The following CDX4 variants were observed in gnomAD, a reference collection of about 807,000 sequenced individuals.
CDX4 encodes the protein caudal type homeobox 4.
Under a neutral mutation model 14.1 loss-of-function variants are expected in CDX4, and 11 were observed. The observed-to-expected ratio is 0.78, with a 90% CI of 0.49 to 1.29. The LOEUF (loss-of-function observed/expected upper bound fraction) is 1.29, where lower values mean the gene tolerates loss of function less well. Among genes scored for constraint, CDX4 ranks in the 50% most tolerant of loss-of-function variants. The pLI, the probability that CDX4 is intolerant of heterozygous loss-of-function variation, is 0.00. For synonymous variants in CDX4, 100 were observed against 93.5 expected, an observed-to-expected ratio of 1.07 and a Z score of -0.40; for missense variants, 257 against 237.4, an observed-to-expected ratio of 1.08 and a Z score of -0.54.
chrX:73,454,836 G>A lies in CDX4; in HGVS notation c.*251G>A. 3.1e-6 allele frequency: 1 copy of A among 317,694 alleles called. No homozygotes were observed. The highest frequency in any genetic ancestry group is 5.4e-6 in the Non-Finnish European group (1 of 183,806). 26.2% of individuals were successfully genotyped at this position (317,694 alleles called of 1,213,427 possible). ...TTAGTGGTAAGGTATATAATTAAAA[G>A]CTAGAATCACAGGCCCTTCCAACTC... On this transcript the variant is annotated 3_prime_UTR_variant, in exon 3 of 3. Coordinates refer to ENST00000373514, the MANE Select transcript of CDX4 (RefSeq NM_005193.2).
chrX:73,447,658 G>T lies in CDX4; in HGVS notation c.405G>T (p.Ser135=), dbSNP rs1603327828. 3.3e-6 allele frequency: 4 copies of T among 1,207,530 alleles called. No homozygotes were observed. Among genetic ancestry groups the T allele is most frequent in the East Asian group, 5.9e-5 (2 of 33,710 alleles). The change falls in exon 1 of 3, where the codon TCG becomes TCT. Residue 135 remains serine (S), a synonymous_variant. Coordinates refer to ENST00000373514, the MANE Select transcript of CDX4 (RefSeq NM_005193.2). ...GSSLPGQAGG[S]LVPTDAGAAK... ...GCCTACCAGGCCAGGCTGGCGGGTC[G>T]CTTGTCCCGACGGACGCAGGCGCCG...
In CDX4 at chrX:73,453,597, AATAGAT is replaced by A. The variant is rs748313062; in HGVS notation, c.587_592del (p.Arg196_Tyr197del). The A allele has an allele frequency of 2.5e-6, 3 of 1,200,255 alleles. No individual in the cohort carries two copies. In the African/African-American group the frequency reaches 5.3e-5, roughly 21 times the overall value. ...GGAGCTGGAAAAGGAATTCCATTGC[AATAGAT>A]ATATCACCATCCAGAGAAAATCAGA... is the stretch of plus-strand genomic sequence containing the variant. On this transcript the variant is annotated inframe_deletion, in exon 2 of 3. Coordinates refer to ENST00000373514, the MANE Select transcript of CDX4 (RefSeq NM_005193.2).
intron 1 of CDX4, among the ~76,000 whole-genome samples, chrX:73,451,030 ACT>A (rs769945093): frequency 9.0e-6 from 1 of 111,486 alleles, no homozygotes; most frequent in South Asian, 3.8e-4. Flanking sequence ...AGTTTTTCTG[ACT>A]CTTTGAGGAG....
intron 1 of CDX4, among the ~76,000 whole-genome samples, chrX:73,451,721 G>A (rs979590210): frequency 8.9e-6 from 1 of 111,913 alleles, no homozygotes; most frequent in East Asian, 2.8e-4. Flanking sequence ...CATGGATAAA[G>A]ACAAGTTGAA....
At position 73,447,188 on chromosome X, in the gene CDX4, A is replaced by G. The variant is rs2057072564; in HGVS notation, c.-66A>G. On this transcript the variant is annotated 5_prime_UTR_variant, in exon 1 of 3. Transcript: ENST00000373514. ...ATAAGTTTATTCTCTGCTGCTTCTC[A>G]AAGTCGAGTTGGGGCCTTACAGGGA... is the stretch of plus-strand genomic sequence containing the variant. 8.9e-7 allele frequency: 1 copy of G among 1,123,814 alleles called. No individual in the cohort carries two copies. Among genetic ancestry groups the G allele is most frequent in the South Asian group, 2.0e-5 (1 of 48,960 alleles). 92.6% of individuals were successfully genotyped at this position (1,123,814 alleles called of 1,213,427 possible).
Position 73,447,336 on chromosome X carries a change from G to A in CDX4, c.83G>A (p.Gly28Glu). Residue 28 changes from glycine to glutamate, a missense_variant, in exon 1 of 3, where the codon GGG (glycine) becomes GAG (glutamate). Physicochemically the swap from Gly to Glu is moderately conservative, Grantham distance 98. Transcript: ENST00000373514. ...AGCCCTGGGGGCGACGGCACAGCTG[G>A]GACAGGCGGCACAGGGGGCGGTGGG... is the stretch of plus-strand genomic sequence containing the variant. ...LMSPGGDGTA[G>E]TGGTGGGGSP... 1 of 1,211,376 alleles carries A rather than the reference G, an allele frequency of 8.3e-7. No homozygotes were observed.
rs1371456597 is a variant in CDX4 at position 73,453,505 on chromosome X, C to G, written c.503-12C>G. On this transcript the variant is annotated splice_polypyrimidine_tract_variant and intron_variant, in intron 1 of 2. Transcript: ENST00000373514. ...AGAAAAAGATTAAATGCAATGCTTT[C>G]TCTCCTAACAGGGAAAACCAGGACA... The G allele has an allele frequency of 5.1e-6, 6 of 1,186,056 alleles. No homozygotes were observed. The highest frequency in any genetic ancestry group is 6.8e-6 in the Non-Finnish European group (6 of 882,676).
chrX:73,448,904 C>T (rs1210951093), intron 1 of CDX4, among the ~76,000 whole-genome samples: 1 of 111,691 alleles, frequency 9.0e-6, no homozygotes, highest in Non-Finnish European at 1.9e-5. Flanking sequence ...CTTTGTCTTT[C>T]CTCCAAAAAG....
intron 1 of CDX4, among the ~76,000 whole-genome samples, chrX:73,450,439 C>T (rs2057083480): frequency 8.9e-6 from 1 of 111,975 alleles, no homozygotes; most frequent in Non-Finnish European, 1.9e-5. Flanking sequence ...ACATTTTAAA[C>T]ATTGGCAAGG....
chrX:73,448,195 C>A (rs1023946674), intron 1 of CDX4, among the ~76,000 whole-genome samples: 4 of 110,625 alleles, frequency 3.6e-5, no homozygotes, highest in South Asian at 3.9e-4. Flanking sequence ...CCCATCTGAG[C>A]GGGCTGTCTC....
intron 1 of CDX4, among the ~76,000 whole-genome samples, chrX:73,449,812 T>A (rs1434623575): frequency 9.0e-6 from 1 of 111,439 alleles, no homozygotes; most frequent in African/African-American, 3.3e-5. Context: ...CAAACACAAG[T>A]AATTTGTTAC....
Position 73,447,692 on chromosome X carries a change from A to G in CDX4, c.439A>G (p.Ser147Gly). The change falls in exon 1 of 3, where the codon AGT (serine) becomes GGT (glycine). Residue 147 changes from serine (S) to glycine (G), a missense_variant. Ser to Gly is a moderately conservative substitution (Grantham distance 56, BLOSUM62 0). Coordinates refer to ENST00000373514, the MANE Select transcript of CDX4 (RefSeq NM_005193.2). Reference protein sequence around the residue: ...VPTDAGAAKASSPSRSRHSPY... With the variant: ...VPTDAGAAKAGSPSRSRHSPY... Reference sequence around the variant, plus strand: ...GACGGACGCAGGCGCCGCCAAGGCCAGTTCCCCCAGCAGGAGCCGCCACAG... The same window carrying G: ...GACGGACGCAGGCGCCGCCAAGGCCGGTTCCCCCAGCAGGAGCCGCCACAG... 8.3e-7 allele frequency: 1 copy of G among 1,203,615 alleles called. No homozygotes were observed. Among genetic ancestry groups the G allele is most frequent in the Non-Finnish European group, 1.1e-6 (1 of 893,668 alleles).
chrX:73,454,405 A>T lies in CDX4; in HGVS notation c.675A>T (p.Arg225Ser). Reference protein sequence around the residue: ...RQVKIWFQNRRAKERKMIKKK... With the variant: ...RQVKIWFQNRSAKERKMIKKK... Reference sequence around the variant, plus strand: ...TGAAAATCTGGTTTCAGAATCGCAGAGCCAAGGAGAGAAAGATGATCAAAA... The same window carrying T: ...TGAAAATCTGGTTTCAGAATCGCAGTGCCAAGGAGAGAAAGATGATCAAAA... The change falls in exon 3 of 3, where the codon AGA (arginine) becomes AGT (serine). Residue 225 changes from arginine to serine, a missense_variant. Arg to Ser is a moderately radical substitution (Grantham distance 110, BLOSUM62 -1). Coordinates refer to ENST00000373514, the MANE Select transcript of CDX4 (RefSeq NM_005193.2). 1 of 1,207,993 alleles carries T rather than the reference A, an allele frequency of 8.3e-7. No individual in the cohort carries two copies. The highest frequency in any genetic ancestry group is 1.1e-6 in the Non-Finnish European group (1 of 892,902).
rs750616747 is a variant in CDX4, at chrX:73,454,892, T to C, written c.*307T>C. On this transcript the variant is annotated 3_prime_UTR_variant, in exon 3 of 3. Transcript: ENST00000373514. ...ACAATTTCAGAAACTTGCTTATGAA[T>C]AGACTGTAAAATACAATTTTGCCAG... is the stretch of plus-strand genomic sequence containing the variant. 1 of 217,131 alleles carries C rather than the reference T, an allele frequency of 4.6e-6. No individual in the cohort carries two copies. The highest frequency in any genetic ancestry group is 8.7e-5 in the East Asian group (1 of 11,472). 17.9% of individuals were successfully genotyped at this position (217,131 alleles called of 1,213,427 possible).
intron 1 of CDX4, among the ~76,000 whole-genome samples, chrX:73,452,255 A>G (rs2057090603): frequency 9.3e-6 from 1 of 106,997 alleles, no homozygotes; most frequent in Non-Finnish European, 1.9e-5. Flanking sequence ...ATCTGATGCT[A>G]TGTAACTCTT....
chrX:73,447,884 G>T, intron 1 of CDX4, 129 bp downstream of exon 1: 2 of 768,908 alleles, frequency 2.6e-6, no homozygotes, highest in East Asian at 3.2e-5. Flanking sequence ...CCCCTATATG[G>T]CTGGCTGGCC....
intron 1 of CDX4, 134 bp downstream of exon 1, chrX:73,447,889 C>A: frequency 1.4e-6 from 1 of 738,427 alleles, no homozygotes; most frequent in Non-Finnish European, 1.9e-6. Flanking sequence ...ATATGGCTGG[C>A]TGGCCTATTA....
intron 1 of CDX4, among the ~76,000 whole-genome samples, chrX:73,448,034 T>C (rs2057076709): frequency 8.9e-6 from 1 of 112,229 alleles, no homozygotes; most frequent in Non-Finnish European, 1.9e-5. Context: ...ATGGGTATGT[T>C]AAGCCACAAG....
intron 1 of CDX4, among the ~76,000 whole-genome samples, chrX:73,448,898 G>A (rs774900749): frequency 8.9e-6 from 1 of 111,767 alleles, no homozygotes; most frequent in African/African-American, 3.2e-5. Context: ...TCTGCACTTT[G>A]TCTTTCCTCC....
Sources: gnomAD v4.1 joint callset for allele counts (sites outside exome capture counted in the v4.1 genomes callset) on GRCh38, gnomAD v4.1.1 for gene constraint, MANE v1.5 for transcripts, NCBI Gene and HGNC (gene_info 2026-07-23, HGNC 2026-07-21) for gene names.